The following STARD13 variants were observed in gnomAD, a reference collection of about 807,000 sequenced individuals.
STARD13 encodes StAR related lipid transfer domain containing 13, also known as stAR-related lipid transfer protein 13.
In STARD13, 62 loss-of-function variants were observed where a neutral mutation model predicts 106.4. The observed-to-expected ratio is 0.58, with a 90% CI of 0.48 to 0.72. STARD13 has a LOEUF of 0.72. STARD13 is among the 30% of genes least tolerant of loss of function. The pLI is 0.00. For missense variants in STARD13, 1,387 were observed against 1,424.0 expected, an observed-to-expected ratio of 0.97 and a Z score of 0.42; for synonymous variants, 565 against 553.0, an observed-to-expected ratio of 1.02 and a Z score of -0.31.
the STARD13 span, among the ~76,000 whole-genome samples, chr13:33,431,665 A>G: frequency 6.6e-6 from 1 of 152,232 alleles, no homozygotes; most frequent in Non-Finnish European, 1.5e-5. Flanking sequence ...CAGTTAATAG[A>G]CGTGCAAAAT....
upstream of STARD13, chr13:33,285,797 A>AC: frequency 7.0e-7 from 1 of 1,424,268 alleles, no homozygotes; most frequent in East Asian, 2.5e-5. Context: ...CAGAATTCCA[A>AC]CCCCCGGGGC....
chr13:33,124,300 G>C (rs770177941), intron 7 of STARD13, among the ~76,000 whole-genome samples: 14 of 152,172 alleles, frequency 9.2e-5, no homozygotes, highest in Admixed American at 3.9e-4. Flanking sequence ...GCCAGGACTG[G>C]GTGCATTATA....
chr13:33,201,358 C>G (rs57937264), intron 1 of STARD13, among the ~76,000 whole-genome samples: 3,883 of 152,274 alleles, frequency 0.026, 114 homozygotes, highest in South Asian at 0.08. Flanking sequence ...CTACATGAAC[C>G]TATTTTTGTC....
the STARD13 span, among the ~76,000 whole-genome samples, chr13:33,528,258 A>ATATATATATG: frequency 8.2e-6 from 1 of 121,836 alleles, no homozygotes; most frequent in African/African-American, 4.0e-5. Flanking sequence ...ATATATATAC[A>ATATATATATG]TATATATATA....
chr13:33,209,457 C>CTTTTT (rs1479939760), intron 1 of STARD13, among the ~76,000 whole-genome samples: 4,577 of 123,090 alleles, frequency 0.037, 228 homozygotes, highest in African/African-American at 0.12. Context: ...CTCTCTCTCT[C>CTTTTT]TCTTTTTTTT....
At chr13:33,120,230 G>A (rs1318324005) in intron 7 of STARD13, among the ~76,000 whole-genome samples, 1 of 152,216 alleles carries the variant, frequency 6.6e-6, no homozygotes. Context: ...AAAGCAGACA[G>A]TGTTTCTGTT....
the STARD13 span, among the ~76,000 whole-genome samples, chr13:33,384,019 G>T: frequency 6.6e-6 from 1 of 152,198 alleles, no homozygotes; most frequent in South Asian, 2.1e-4. Flanking sequence ...CAGAAGGCTA[G>T]AATTCAAACT....
Position 33,317,670 on chromosome 13 carries a change from G to T in STARD13, c.124+32620C>A, listed in dbSNP as rs115138649. Among the ~76,000 whole-genome samples the T allele has an allele frequency of 4.4e-3, 662 of 152,052 alleles. 6 individuals carry two copies. The highest frequency in any genetic ancestry group is 0.015 in the African/African-American group (617 of 41,468). ...ACTCACTTTCTATTTTGTAAAATCTGCTTGATTTTTCTTCTCATATACTTA... is the reference window on the plus strand; with the variant it reads ...ACTCACTTTCTATTTTGTAAAATCTTCTTGATTTTTCTTCTCATATACTTA... On this transcript the variant is annotated intron_variant, in intron 1 of 5. Transcript: ENST00000567873.
the STARD13 span, among the ~76,000 whole-genome samples, chr13:33,644,330 C>A: frequency 1.2e-4 from 18 of 152,266 alleles, no homozygotes; most frequent in African/African-American, 4.3e-4. Context: ...ATAATTATCA[C>A]AAAGTTAGTC....
At chr13:33,570,047 C>A in the STARD13 span, among the ~76,000 whole-genome samples, 3 of 147,428 alleles carry the variant, frequency 2.0e-5, no homozygotes, top group Non-Finnish European at 3.0e-5. Context: ...CAAAGACCAT[C>A]TGTACCACAA....
the STARD13 span, among the ~76,000 whole-genome samples, chr13:33,418,093 G>C: frequency 2.0e-5 from 3 of 152,342 alleles, no homozygotes; most frequent in South Asian, 6.2e-4. Context: ...TGGTTGGACA[G>C]TGGGTGCAGC....
chr13:33,301,624 G>A (rs1261534055), intron 1 of STARD13, among the ~76,000 whole-genome samples: 14 of 135,982 alleles, frequency 1.0e-4, no homozygotes, highest in East Asian at 7.1e-4. Context: ...CTGGAGTACC[G>A]TGGCGTGATC....
chr13:33,181,267 T>TAC (rs67752465), intron 1 of STARD13, among the ~76,000 whole-genome samples: 36,275 of 142,158 alleles, frequency 0.26, 4,935 homozygotes, highest in South Asian at 0.38. Context: ...CACTCACACA[T>TAC]ACATACACAC....
At chr13:33,215,893 T>C (rs1380949879) in intron 1 of STARD13, among the ~76,000 whole-genome samples, 1 of 152,026 alleles carries the variant, frequency 6.6e-6, no homozygotes, top group East Asian at 1.9e-4. Flanking sequence ...CACCAAAAAG[T>C]GGGCTAAAGA....
In STARD13 at chr13:33,105,509, C is replaced by T. The variant is rs1336274436; in HGVS notation, c.*84G>A. ...ACCGCGTCCTTCAGTTCCTCTTTCT[C>T]TCGCTTTCTCACATGCACACTCTCT... On this transcript the variant is annotated 3_prime_UTR_variant, in exon 14 of 14. Coordinates refer to ENST00000336934, the MANE Select transcript of STARD13 (RefSeq NM_178006.4). 1 of 957,214 alleles carries T rather than the reference C, an allele frequency of 1.0e-6. No homozygotes were observed. The highest frequency in any genetic ancestry group is 1.7e-6 in the Non-Finnish European group (1 of 598,044). The allele number at this position is 957,214 out of a possible 1,614,324, so 59.3% of individuals were successfully genotyped here.
chr13:33,639,026 G>C, the STARD13 span, among the ~76,000 whole-genome samples: 1 of 151,894 alleles, frequency 6.6e-6, no homozygotes, highest in Non-Finnish European at 1.5e-5. Flanking sequence ...ATTTTTCTAG[G>C]GGCTGGAGAT....
At chr13:33,349,669 C>A (rs148684155) in intron 1 of STARD13, among the ~76,000 whole-genome samples, 44 of 152,334 alleles carry the variant, frequency 2.9e-4, no homozygotes, top group African/African-American at 1.0e-3. Context: ...AAAGGGAGGC[C>A]TTTCCTTGCA....
chr13:33,350,569 G>C (rs1364167828), exon 1 of STARD13: 1 of 1,394,132 alleles, frequency 7.2e-7, no homozygotes, highest in Non-Finnish European at 9.3e-7. Flanking sequence ...CCGGCGCTGG[G>C]AGGCTGCGCC....
chr13:33,268,966 G>A (rs770584612), intron 1 of STARD13, among the ~76,000 whole-genome samples: 2 of 152,212 alleles, frequency 1.3e-5, no homozygotes, highest in African/African-American at 2.4e-5. Context: ...GTGTAAGGAA[G>A]AAGTCAATGT....
Sources: allele counts gnomAD v4.1 joint callset (sites outside exome capture counted in the v4.1 genomes callset), GRCh38; gene constraint gnomAD v4.1.1; transcripts MANE v1.5; gene names NCBI Gene and HGNC (gene_info 2026-07-23, HGNC 2026-07-21).